Variants in MSRB3 observed in about 807,000 individuals in gnomAD.
MSRB3 encodes methionine-R-sulfoxide reductase B3.
Under a neutral mutation model 21.0 loss-of-function variants are expected in MSRB3, and 13 were observed. The ratio of observed to expected loss-of-function variants is 0.62; its 90% CI spans 0.40 to 0.98. The LOEUF is 0.98. Ranked by LOEUF, MSRB3 falls within the 50% of genes least tolerant of loss-of-function variation. The pLI is 0.00. For missense variants in MSRB3, 199 were observed against 230.3 expected, an observed-to-expected ratio of 0.86 and a Z score of 0.88; for synonymous variants, 87 against 88.6, an observed-to-expected ratio of 0.98 and a Z score of 0.10.
At chr12:65,454,575 T>C (rs886627113) in intron 6 of MSRB3, among the ~76,000 whole-genome samples, 4 of 152,138 alleles carry the variant, frequency 2.6e-5, no homozygotes, top group African/African-American at 9.7e-5. Flanking sequence ...ACCTCAGAAA[T>C]GGCTTTTCTT....
intron 4 of MSRB3, among the ~76,000 whole-genome samples, chr12:65,344,447 A>G (rs1224523425): frequency 6.6e-6 from 1 of 151,984 alleles, no homozygotes; most frequent in African/African-American, 2.4e-5. Context: ...TGGATAATTG[A>G]TAGTTTTAAT....
At chr12:65,416,630 A>G (rs1880992172) in intron 5 of MSRB3, among the ~76,000 whole-genome samples, 1 of 152,212 alleles carries the variant, frequency 6.6e-6, no homozygotes, top group Non-Finnish European at 1.5e-5. Context: ...GTCTTTATGT[A>G]TCTGAACAGA....
In MSRB3 at chr12:65,427,207, A is replaced by G. The variant is rs182259891; in HGVS notation, c.293-26521A>G. Among the ~76,000 whole-genome samples the G allele has an allele frequency of 2.5e-3, 376 of 152,084 alleles. 1 individual carries two copies. Among genetic ancestry groups the G allele is most frequent in the African/African-American group, 8.3e-3 (345 of 41,476 alleles). On this transcript the variant is annotated intron_variant, in intron 5 of 6. Coordinates refer to ENST00000308259, the MANE Select transcript of MSRB3 (RefSeq NM_001031679.3). ...CTTTGCTGTGGAAAGTCCTTCTTTT[A>G]TTGGGGGCTTCCAGGGAACTTGCTG...
intron 5 of MSRB3, among the ~76,000 whole-genome samples, chr12:65,401,998 T>C (rs1283771036): frequency 6.6e-6 from 1 of 152,238 alleles, no homozygotes; most frequent in Non-Finnish European, 1.5e-5. Flanking sequence ...TCTGATGGGC[T>C]TCCCTTTGTG....
rs144101919 is a variant in MSRB3 at position 65,412,803 on chromosome 12, A to C, written c.293-40925A>C. On this transcript the variant is annotated intron_variant, in intron 5 of 6. Coordinates refer to ENST00000308259, the MANE Select transcript of MSRB3 (RefSeq NM_001031679.3). ...AGGTTTAATTGGCTCACAGTTTAGC[A>C]TGGCTGGGGAGGCCTCAGGAACCTT... 1.4e-3 allele frequency among the ~76,000 whole-genome samples: 212 copies of C among 152,258 alleles called. 1 individual carries two copies. The Middle Eastern group carries it at 0.02, about 15-fold the overall frequency.
At chr12:65,291,080 G>A (rs1421408901) in intron 1 of MSRB3, among the ~76,000 whole-genome samples, 1 of 151,676 alleles carries the variant, frequency 6.6e-6, no homozygotes, top group Non-Finnish European at 1.5e-5. Flanking sequence ...TGTATTCTGT[G>A]GCTTTCTTTT....
chr12:65,463,018 G>A, intron 6 of MSRB3, 137 bp from the exon 7 acceptor site: 2 of 1,075,978 alleles, frequency 1.9e-6, no homozygotes, highest in Admixed American at 1.8e-5. Flanking sequence ...GCTATTGACA[G>A]GCGGATTAGA....
At chr12:65,456,714 A>G (rs749768480) in intron 6 of MSRB3, among the ~76,000 whole-genome samples, 23 of 152,228 alleles carry the variant, frequency 1.5e-4, no homozygotes, top group Non-Finnish European at 3.1e-4. Context: ...TTAAATTTAA[A>G]GAAAAGAGGG....
chr12:65,390,671 A>G (rs1879433185), intron 5 of MSRB3, among the ~76,000 whole-genome samples: 1 of 152,164 alleles, frequency 6.6e-6, no homozygotes, highest in Admixed American at 6.5e-5. Context: ...AAGTGAAAGA[A>G]TGTTCATAGA....
At chr12:65,415,409 A>G (rs1880916829) in intron 5 of MSRB3, among the ~76,000 whole-genome samples, 1 of 152,040 alleles carries the variant, frequency 6.6e-6, no homozygotes, top group Non-Finnish European at 1.5e-5. Context: ...GAGATGTTTG[A>G]CAGAAGGCCA....
chr12:65,407,373 A>G (rs1188305528), intron 5 of MSRB3, among the ~76,000 whole-genome samples: 1 of 148,240 alleles, frequency 6.7e-6, no homozygotes, highest in Non-Finnish European at 1.5e-5. Context: ...TAAATATTTC[A>G]CTCTGCTCTC....
intron 5 of MSRB3, among the ~76,000 whole-genome samples, chr12:65,378,030 A>G (rs181398340): frequency 7.7e-4 from 117 of 152,304 alleles, no homozygotes; most frequent in Non-Finnish European, 1.5e-3. Flanking sequence ...TGGACTTCAT[A>G]TATTATGAAA....
At chr12:65,447,162 T>C (rs1677857898) in intron 5 of MSRB3, among the ~76,000 whole-genome samples, 1 of 152,174 alleles carries the variant, frequency 6.6e-6, no homozygotes, top group South Asian at 2.1e-4. Context: ...CCCAGGCAGC[T>C]TTTATATTCA....
chr12:65,459,604 A>G (rs1035718188), intron 6 of MSRB3, among the ~76,000 whole-genome samples: 3 of 152,216 alleles, frequency 2.0e-5, no homozygotes, highest in Non-Finnish European at 2.9e-5. Flanking sequence ...TTTTCTTCTT[A>G]AAACTTTTCC....
chr12:65,461,752 T>G (rs1005920893), intron 6 of MSRB3, among the ~76,000 whole-genome samples: 1 of 152,218 alleles, frequency 6.6e-6, no homozygotes, highest in African/African-American at 2.4e-5. Flanking sequence ...TATAAGTGTT[T>G]TATACACCAA....
At chr12:65,400,149 A>G (rs907583674) in intron 5 of MSRB3, among the ~76,000 whole-genome samples, 3 of 150,278 alleles carry the variant, frequency 2.0e-5, no homozygotes, top group African/African-American at 7.4e-5. Flanking sequence ...CTCTTTTTCT[A>G]TTGTTTGGAA....
chr12:65,283,801 C>CTGA (rs1481416742), intron 1 of MSRB3: 1 of 152,194 alleles, frequency 6.6e-6, no homozygotes, highest in Non-Finnish European at 1.5e-5. Context: ...TTCAGATACT[C>CTGA]TGATGCTTTT....
rs372007335 is a variant in MSRB3 at position 65,371,316 on chromosome 12, G to A, written c.292+2290G>A. ...GCACTCCAGCCTGGGCGACAAGAGC[G>A]AGACTCCATCTCAAAAAAAAAAAAA... is the stretch of plus-strand genomic sequence containing the variant. On this transcript the variant is annotated intron_variant, in intron 5 of 6. Coordinates refer to ENST00000308259, the MANE Select transcript of MSRB3 (RefSeq NM_001031679.3). 4.9e-3 allele frequency among the ~76,000 whole-genome samples: 598 copies of A among 122,884 alleles called. 5 individuals are homozygous for A. The highest frequency in any genetic ancestry group is 0.018 in the African/African-American group (552 of 31,484). 80.6% of individuals were successfully genotyped at this position (122,884 alleles called of 152,430 possible). A position where few individuals can be genotyped will look rare whatever the true frequency, so the allele number is the denominator to read the frequency against.
intron 5 of MSRB3, among the ~76,000 whole-genome samples, chr12:65,426,738 C>G (rs541674028): frequency 6.6e-6 from 1 of 152,110 alleles, no homozygotes; most frequent in Non-Finnish European, 1.5e-5. Flanking sequence ...CCTTTTCATT[C>G]TTTTTCTTTT....
Sources: gnomAD v4.1 joint callset for allele counts (sites outside exome capture counted in the v4.1 genomes callset) on GRCh38, gnomAD v4.1.1 for gene constraint, MANE v1.5 for transcripts, NCBI Gene and HGNC (gene_info 2026-07-23, HGNC 2026-07-21) for gene names.